SMPDL3B: variants seen among roughly 807,000 people sequenced by gnomAD.
The protein encoded by SMPDL3B is sphingomyelin phosphodiesterase acid like 3B.
SMPDL3B carries 31 observed loss-of-function variants against 37.9 expected under a neutral mutation model. That is an observed-to-expected ratio of 0.82 (90% confidence interval 0.61 to 1.10). The LOEUF is 1.10. SMPDL3B is among the 50% of genes least tolerant of loss of function. The pLI, the probability that SMPDL3B is intolerant of heterozygous loss-of-function variation, is 0.00. For synonymous variants in SMPDL3B, 235 were observed against 242.6 expected, an observed-to-expected ratio of 0.97 and a Z score of 0.29; for missense variants, 525 against 597.8, an observed-to-expected ratio of 0.88 and a Z score of 1.27.
At chr1:27,935,655 C>A (rs1012874778) in intron 1 of SMPDL3B, among the ~76,000 whole-genome samples, 1 of 152,172 alleles carries the variant, frequency 6.6e-6, no homozygotes, top group Non-Finnish European at 1.5e-5. Context: ...GAGAAAAAAA[C>A]AAACCACACG....
In SMPDL3B at chr1:27,958,884, G is replaced by A. The variant is rs777542039; in HGVS notation, c.*46G>A. On this transcript the variant is annotated 3_prime_UTR_variant, in exon 8 of 8. Coordinates refer to ENST00000373894, the MANE Select transcript of SMPDL3B (RefSeq NM_014474.4). The surrounding 1 kb of genome is among the most constrained non-coding windows in gnomAD (Gnocchi z 5.6). The stretch of plus-strand genomic sequence containing the variant: ...CCTGGTAACGGGTAACGGGGGCAGC[G>A]CCCAGGATCACCCAGAGCTGGGCCT... 1.7e-5 allele frequency: 25 copies of A among 1,499,386 alleles called. No individual in the cohort carries two copies. The allele number at this position is 1,499,386 out of a possible 1,614,324, so 92.9% of individuals were successfully genotyped here.
chr1:27,943,252 C>T (rs2090375627), intron 1 of SMPDL3B, among the ~76,000 whole-genome samples: 1 of 152,148 alleles, frequency 6.6e-6, no homozygotes, highest in Non-Finnish European at 1.5e-5. Context: ...CAGGGCTCTG[C>T]GGAGAACACT....
intron 1 of SMPDL3B, among the ~76,000 whole-genome samples, chr1:27,943,753 C>T (rs1409250120): frequency 6.6e-6 from 1 of 151,970 alleles, no homozygotes; most frequent in African/African-American, 2.4e-5. Context: ...AATGCCAGCA[C>T]TTTGGGAAGC....
chr1:27,949,768 A>C (rs2090440000), intron 3 of SMPDL3B, among the ~76,000 whole-genome samples: 1 of 152,124 alleles, frequency 6.6e-6, no homozygotes, highest in East Asian at 1.9e-4. Context: ...CTGGAGGCTA[A>C]ATCTGGCTGC....
intron 1 of SMPDL3B, chr1:27,942,513 G>GC: frequency 2.7e-6 from 1 of 371,254 alleles, no homozygotes; most frequent in Non-Finnish European, 5.4e-6. Context: ...CAGTCTTGCT[G>GC]TGTCGCACAG....
chr1:27,945,371 C>G lies in SMPDL3B; in HGVS notation c.201C>G (p.Pro67=). The G allele has an allele frequency of 6.2e-7, 1 of 1,614,244 alleles. No individual in the cohort carries two copies. Among genetic ancestry groups the G allele is most frequent in the Non-Finnish European group, 8.5e-7 (1 of 1,180,050 alleles). The change falls in exon 2 of 8, where the codon CCC becomes CCG. Residue 67 remains proline (P), a synonymous_variant. Transcript: ENST00000373894. This position sits in a 1 kb window ranked among gnomAD's most constrained non-coding sequence, Gnocchi z 4.0. The stretch of plus-strand genomic sequence containing the variant: ...GGGGTGACTACCTCTGTGATTCTCC[C>G]TGGGCCCTCATCAACTCCTCCATCT... ...GPWGDYLCDS[P]WALINSSIYA... is the part of the protein sequence containing the mutation.
At chr1:27,953,552 C>G (rs1051130760) in intron 4 of SMPDL3B, among the ~76,000 whole-genome samples, 194 bp downstream of exon 4, 1 of 152,204 alleles carries the variant, frequency 6.6e-6, no homozygotes, top group Non-Finnish European at 1.5e-5. Context: ...TTCCTCTAAA[C>G]CCCACGACAC....
At position 27,945,551 on chromosome 1, in the gene SMPDL3B, C is replaced by T. The variant is rs933153354; in HGVS notation, c.275+106C>T. On this transcript the variant is annotated intron_variant, in intron 2 of 7. Coordinates refer to ENST00000373894, the MANE Select transcript of SMPDL3B (RefSeq NM_014474.4). This position sits in a 1 kb window ranked among gnomAD's most constrained non-coding sequence, Gnocchi z 4.0. ...TATCTCCCTTAATCCTCACATCAGT[C>T]TCACGTGAGGCTGAGGAACCTAAAG... is the stretch of plus-strand genomic sequence containing the variant. 31 of 933,628 alleles carry T rather than the reference C, an allele frequency of 3.3e-5. No individual in the cohort carries two copies. The African/African-American group carries it at 5.1e-4, about 15-fold the overall frequency. 57.8% of individuals were successfully genotyped at this position (933,628 alleles called of 1,614,324 possible). A position where few individuals can be genotyped will look rare whatever the true frequency, so the allele number is the denominator to read the frequency against.
chr1:27,949,299 T>G, intron 3 of SMPDL3B, 137 bp downstream of exon 3: 1 of 866,832 alleles, frequency 1.2e-6, no homozygotes, highest in East Asian at 2.6e-5. Flanking sequence ...CAGGTCTTCA[T>G]GGTGACCATT....
Position 27,958,350 on chromosome 1 carries a change from A to C in SMPDL3B, c.1006-126A>C. On this transcript the variant is annotated intron_variant, in intron 7 of 7. Coordinates refer to ENST00000373894, the MANE Select transcript of SMPDL3B (RefSeq NM_014474.4). This position sits in a 1 kb window ranked among gnomAD's most constrained non-coding sequence, Gnocchi z 5.6. ...GCCAAGCACAATGGGTGCACAGCTAAGTGCTCAATAACTACTAGTGGTCAT... is the reference window on the plus strand; with the variant it reads ...GCCAAGCACAATGGGTGCACAGCTACGTGCTCAATAACTACTAGTGGTCAT... 7.8e-7 allele frequency: 1 copy of C among 1,275,502 alleles called. No individual in the cohort carries two copies. The allele number at this position is 1,275,502 out of a possible 1,614,324, so 79.0% of individuals were successfully genotyped here.
At chr1:27,947,617 CAA>C (rs561983354) in intron 2 of SMPDL3B, among the ~76,000 whole-genome samples, 45 of 85,518 alleles carry the variant, frequency 5.3e-4, no homozygotes, top group East Asian at 7.3e-4. Context: ...GACTCCATCT[CAA>C]AAAAAAAAAA....
At chr1:27,944,253 C>G (rs949723805) in intron 1 of SMPDL3B, among the ~76,000 whole-genome samples, 14 of 152,162 alleles carry the variant, frequency 9.2e-5, no homozygotes, top group Non-Finnish European at 2.1e-4. Flanking sequence ...AGCAAATATA[C>G]CTACCAGAGG....
intron 3 of SMPDL3B, among the ~76,000 whole-genome samples, chr1:27,950,383 T>G (rs1478599509): frequency 1.3e-5 from 2 of 152,194 alleles, no homozygotes; most frequent in African/African-American, 4.8e-5. Flanking sequence ...CAGATCCAAC[T>G]GGGAGTACCT....
chr1:27,935,826 G>A (rs1479139506), intron 1 of SMPDL3B, among the ~76,000 whole-genome samples: 2 of 152,184 alleles, frequency 1.3e-5, no homozygotes, highest in East Asian at 1.9e-4. Context: ...CAGTGAGTGG[G>A]GGAGCCACAT....
chr1:27,956,087 G>A lies in SMPDL3B; in HGVS notation c.1005+5G>A, dbSNP rs1344980465. 6.2e-7 allele frequency: 1 copy of A among 1,614,172 alleles called. No homozygotes were observed. The highest frequency in any genetic ancestry group is 1.1e-5 in the South Asian group (1 of 91,082). ...CGAGCCACACTGAGCCTGAAGGTCAGGAGTCCTGCGGAGGCCAGAGGAGGA... is the reference window on the plus strand; with the variant it reads ...CGAGCCACACTGAGCCTGAAGGTCAAGAGTCCTGCGGAGGCCAGAGGAGGA... On this transcript the variant is annotated splice_donor_5th_base_variant and intron_variant, in intron 7 of 7. Transcript: ENST00000373894.
At chr1:27,939,349 T>C (rs941813815) in intron 1 of SMPDL3B, among the ~76,000 whole-genome samples, 1 of 152,202 alleles carries the variant, frequency 6.6e-6, no homozygotes, top group Non-Finnish European at 1.5e-5. Flanking sequence ...TTAATTTTTT[T>C]ATCTTATTTT....
rs757223837 is a variant in SMPDL3B, at chr1:27,958,860, C to CTGGT, written c.*23_*26dup. 3 of 1,550,142 alleles carry CTGGT rather than the reference C, an allele frequency of 1.9e-6. No homozygotes were observed. Among genetic ancestry groups the CTGGT allele is most frequent in the Non-Finnish European group, 2.6e-6 (3 of 1,144,500 alleles). On this transcript the variant is annotated 3_prime_UTR_variant, in exon 8 of 8. Coordinates refer to ENST00000373894, the MANE Select transcript of SMPDL3B (RefSeq NM_014474.4). The surrounding 1 kb of genome is among the most constrained non-coding windows in gnomAD (Gnocchi z 5.6). ...GTGACCTGCCAGGCTCACCTTCTTC[C>CTGGT]TGGTAACGGGTAACGGGGGCAGCGC... is the stretch of plus-strand genomic sequence containing the variant.
chr1:27,949,790 C>T (rs190357470), intron 3 of SMPDL3B, among the ~76,000 whole-genome samples: 145 of 152,360 alleles, frequency 9.5e-4, no homozygotes, highest in Non-Finnish European at 1.5e-3. Context: ...AGGCTGCCAA[C>T]TGGGCGCCTG....
intron 1 of SMPDL3B, chr1:27,939,164 T>G (rs1371462446): frequency 1.3e-5 from 2 of 152,164 alleles, no homozygotes; most frequent in African/African-American, 4.8e-5. Flanking sequence ...GTGTCTGGCA[T>G]TCAGTAGGTG....
Sources: gnomAD v4.1 joint callset for allele counts (sites outside exome capture counted in the v4.1 genomes callset) on GRCh38, gnomAD v4.1.1 for gene constraint, Gnocchi (gnomAD v3.1) non-coding constraint, MANE v1.5 for transcripts, NCBI Gene and HGNC (gene_info 2026-07-23, HGNC 2026-07-21) for gene names.